The following GRIN2B variants were observed in gnomAD, a reference collection of about 807,000 sequenced individuals.
GRIN2B encodes the protein glutamate ionotropic receptor NMDA type subunit 2B, also known as glutamate receptor ionotropic, NMDA 2B.
GRIN2B carries 5 observed loss-of-function variants against 114.5 expected under a neutral mutation model. That is an observed-to-expected ratio of 0.04 (90% CI 0.02 to 0.09). The LOEUF (loss-of-function observed/expected upper bound fraction) is 0.09. Ranked by LOEUF, GRIN2B falls within the 10% of genes least tolerant of loss-of-function variation. The pLI, the probability that GRIN2B is intolerant of heterozygous loss-of-function variation, is 1.00. For missense variants in GRIN2B, 1,108 were observed against 1,943.5 expected (o/e 0.57, Z 8.08); for synonymous variants, 787 against 745.1 (o/e 1.06, Z -0.92).
chr12:13,707,198 T>G (rs773622701), intron 4 of GRIN2B, among the ~76,000 whole-genome samples: 3 of 152,130 alleles, frequency 2.0e-5, no homozygotes, highest in Non-Finnish European at 4.4e-5. Context: ...ATGAAGGCCT[T>G]GTAGTCTCTC....
intron 2 of GRIN2B, among the ~76,000 whole-genome samples, chr12:13,902,502 AAG>A (rs1866467872): frequency 6.6e-6 from 1 of 152,034 alleles, no homozygotes; most frequent in African/African-American, 2.4e-5. Flanking sequence ...TCATTTTCTG[AAG>A]AGTTTGTGTA....
chr12:13,943,296 T>C (rs564918066), intron 2 of GRIN2B, among the ~76,000 whole-genome samples: 2 of 152,216 alleles, frequency 1.3e-5, no homozygotes, highest in South Asian at 4.1e-4. Flanking sequence ...CCTTAAGAAA[T>C]AGAGTCAGGA....
chr12:13,794,036 TACAA>T (rs1565539614), intron 3 of GRIN2B, among the ~76,000 whole-genome samples: 1 of 28,576 alleles, frequency 3.5e-5, no homozygotes, highest in East Asian at 7.7e-4. Context: ...ATCCCATCTC[TACAA>T]AAAAAAAAAA....
At chr12:13,953,072 T>C (rs897223235) in intron 2 of GRIN2B, among the ~76,000 whole-genome samples, 5 of 151,932 alleles carry the variant, frequency 3.3e-5, no homozygotes, top group African/African-American at 1.2e-4. Flanking sequence ...GGATGCATGC[T>C]AGAATCATCT....
intron 2 of GRIN2B, among the ~76,000 whole-genome samples, chr12:13,973,611 C>T (rs1188422861): frequency 6.6e-6 from 1 of 152,140 alleles, no homozygotes; most frequent in Non-Finnish European, 1.5e-5. Flanking sequence ...CTGTGCCTCC[C>T]CTGCTCTGCC....
intron 5 of GRIN2B, among the ~76,000 whole-genome samples, chr12:13,665,168 TG>T (rs1185350625): frequency 1.5e-3 from 4 of 2,706 alleles, no homozygotes; most frequent in Non-Finnish European, 4.0e-3. Flanking sequence ...TGTGTGTGTT[TG>T]TGTGTGTGTG....
chr12:13,976,256 A>T (rs1863015938), intron 2 of GRIN2B, among the ~76,000 whole-genome samples: 1 of 152,252 alleles, frequency 6.6e-6, no homozygotes, highest in African/African-American at 2.4e-5. Flanking sequence ...GCACTTTAAT[A>T]AATGCGAACA....
At chr12:13,646,921 G>A (rs978696303) in intron 5 of GRIN2B, among the ~76,000 whole-genome samples, 15 of 152,070 alleles carry the variant, frequency 9.9e-5, no homozygotes, top group Admixed American at 4.6e-4. Context: ...GAAGAGGGTC[G>A]CATGGCCAGG....
In GRIN2B at chr12:13,563,788, G is replaced by T. The variant is rs1948590239; in HGVS notation, c.3450C>A (p.Asp1150Glu). ...TCCGCTCCTTGTAGATGTCGGTCAG[G>T]TCTACGTGCTCCCAGTGGGGTGAGT... Reference protein sequence around the residue: ...KENSPHWEHVDLTDIYKERSD... With the variant: ...KENSPHWEHVELTDIYKERSD... Residue 1150 changes from aspartate (D) to glutamate (E), a missense_variant, in exon 14 of 14, where the codon GAC becomes GAA. By Grantham distance (45) the Asp-to-Glu change is conservative (BLOSUM62 2). This residue lies in a region of GRIN2B where 478 missense variants were observed against 506.0 expected (regional missense o/e 0.94). Transcript: ENST00000609686. The T allele has an allele frequency of 6.2e-7, 1 of 1,613,690 alleles. No individual in the cohort carries two copies. Among genetic ancestry groups the T allele is most frequent in the Non-Finnish European group, 8.5e-7 (1 of 1,179,942 alleles).
At position 13,539,629 on chromosome 12, in the gene GRIN2B, C is replaced by G. The variant is rs1948252960; in HGVS notation, c.*23154G>C. On this transcript the variant is annotated 3_prime_UTR_variant, in exon 14 of 14. Transcript: ENST00000609686. ...TGGAAGTATGCATTAAAGAGTAAAA[C>G]AATTACCAATTTACATTGTCTTCAT... is the stretch of plus-strand genomic sequence containing the variant. The G allele has an allele frequency of 6.6e-6, 1 of 152,060 alleles. No individual in the cohort carries two copies. Among genetic ancestry groups the G allele is most frequent in the African/African-American group, 2.4e-5 (1 of 41,360 alleles). The allele number at this position is 152,060 out of a possible 1,614,324, so 9.4% of individuals were successfully genotyped here. A position where few individuals can be genotyped will look rare whatever the true frequency, so the allele number is the denominator to read the frequency against.
At chr12:13,602,316 C>A (rs944725087) in intron 10 of GRIN2B, among the ~76,000 whole-genome samples, 1 of 152,206 alleles carries the variant, frequency 6.6e-6, no homozygotes, top group African/African-American at 2.4e-5. Flanking sequence ...AGGTCCAACC[C>A]AGGCCCTCAT....
At chr12:13,744,568 G>A (rs60154451) in intron 4 of GRIN2B, among the ~76,000 whole-genome samples, 2,278 of 152,232 alleles carry the variant, frequency 0.015, 27 homozygotes, top group Middle Eastern at 0.044. Context: ...TAAAGAAAGA[G>A]ACAGAAAAGA....
At chr12:13,726,794 G>A (rs1481881696) in intron 4 of GRIN2B, among the ~76,000 whole-genome samples, 1 of 151,770 alleles carries the variant, frequency 6.6e-6, no homozygotes, top group Non-Finnish European at 1.5e-5. Context: ...TACCCAATGT[G>A]TAGTCTTTTA....
intron 2 of GRIN2B, among the ~76,000 whole-genome samples, chr12:13,873,502 A>C (rs1865945313): frequency 6.6e-6 from 1 of 152,220 alleles, no homozygotes; most frequent in African/African-American, 2.4e-5. Flanking sequence ...AAAAGGCACC[A>C]ATCTTTGATT....
intron 5 of GRIN2B, among the ~76,000 whole-genome samples, chr12:13,636,971 G>A (rs954725947): frequency 6.6e-6 from 1 of 152,176 alleles, no homozygotes; most frequent in Non-Finnish European, 1.5e-5. Flanking sequence ...TGAGGAACAT[G>A]GAGGGTGTGA....
intron 5 of GRIN2B, among the ~76,000 whole-genome samples, chr12:13,623,871 T>C (rs147746944): frequency 6.6e-6 from 1 of 152,322 alleles, no homozygotes; most frequent in East Asian, 1.9e-4. Context: ...TCCCAAAGTG[T>C]TCTTCTTTGG....
chr12:13,936,468 C>T (rs565278117), intron 2 of GRIN2B, among the ~76,000 whole-genome samples: 1 of 152,258 alleles, frequency 6.6e-6, no homozygotes, highest in Admixed American at 6.5e-5. Flanking sequence ...TTGAGTCTTA[C>T]CAAGTTAGAG....
chr12:13,908,854 G>A (rs1247530252), intron 2 of GRIN2B, among the ~76,000 whole-genome samples: 2 of 152,170 alleles, frequency 1.3e-5, no homozygotes, highest in Admixed American at 6.5e-5. Context: ...TGGTATTGAA[G>A]AAAGTATATT....
chr12:13,863,318 T>A (rs1344581663), intron 3 of GRIN2B, among the ~76,000 whole-genome samples: 1 of 152,208 alleles, frequency 6.6e-6, no homozygotes, highest in African/African-American at 2.4e-5. Context: ...ATAAATCATG[T>A]AATAGATCAC....
Sources: gnomAD v4.1 joint callset for allele counts (sites outside exome capture counted in the v4.1 genomes callset) on GRCh38, gnomAD v4.1.1 for gene constraint, gnomAD v4.1.1 regional missense constraint, MANE v1.5 for transcripts, NCBI Gene and HGNC (gene_info 2026-07-23, HGNC 2026-07-21) for gene names.